ABCA13: variants seen among roughly 807,000 people sequenced by gnomAD.
The protein encoded by ABCA13 is ATP-binding cassette sub-family A member 13.
ABCA13 carries 476 observed loss-of-function variants against 478.7 expected under a neutral mutation model. That is an observed-to-expected ratio of 0.99 (90% confidence interval 0.92 to 1.07). The LOEUF is 1.07. Ranked by LOEUF, ABCA13 falls within the 50% of genes least tolerant of loss-of-function variation. ABCA13 has a pLI of 0.00. For missense variants in ABCA13, 6,060 were observed against 5,910.6 expected, an observed-to-expected ratio of 1.03 and a Z score of -0.83; for synonymous variants, 2,252 against 2,158.9, an observed-to-expected ratio of 1.04 and a Z score of -1.20.
chr7:48,282,305 T>G (rs1210840728), intron 19 of ABCA13, among the ~76,000 whole-genome samples: 1 of 152,066 alleles, frequency 6.6e-6, no homozygotes, highest in Non-Finnish European at 1.5e-5. Context: ...CACACTTGAG[T>G]CCATGGAATG....
chr7:48,237,320 C>T (rs1554364927), intron 8 of ABCA13, among the ~76,000 whole-genome samples: 3 of 152,140 alleles, frequency 2.0e-5, no homozygotes, highest in Non-Finnish European at 4.4e-5. Context: ...AAGCCACTCT[C>T]ATAATCTTAA....
chr7:48,352,460 C>A lies in ABCA13; in HGVS notation c.10661C>A (p.Ala3554Asp). 6.2e-7 allele frequency: 1 copy of A among 1,608,564 alleles called. No homozygotes were observed. Among genetic ancestry groups the A allele is most frequent in the Non-Finnish European group, 8.5e-7 (1 of 1,176,662 alleles). ...ALEPAAQTQA[A>D]PYPCHTSDLF... is the part of the protein sequence containing the mutation. ...GAACCAGCAGCACAGACTCAGGCGG[C>A]CCCTTACCCCTGCCATACCAGCGAC... is the stretch of plus-strand genomic sequence containing the variant. Residue 3554 changes from alanine to aspartate, a missense_variant, in exon 31 of 62, where the codon GCC becomes GAC. Transcript: ENST00000435803.
rs369139123 is a variant in ABCA13, at chr7:48,272,550, C to T, written c.2884C>T (p.Leu962=). 3.1e-6 allele frequency: 5 copies of T among 1,613,634 alleles called. No homozygotes were observed. The African/African-American group carries it at 6.7e-5, about 22-fold the overall frequency. ...VFQDKDSALL[L]QIYSSFYRYI... ...CCAGGACAAGGATTCAGCTTTACTT[C>T]TGCAAATTTATTCTTCATTTTACCG... is the stretch of plus-strand genomic sequence containing the variant. The change falls in exon 17 of 62, where the codon CTG becomes TTG. Residue 962 remains leucine (L), a synonymous_variant. Transcript: ENST00000435803.
In ABCA13 at chr7:48,279,183, T is replaced by G. The variant is rs1386332068; in HGVS notation, c.7989T>G (p.Thr2663=). The G allele has an allele frequency of 2.5e-6, 4 of 1,598,446 alleles. No homozygotes were observed. Among genetic ancestry groups the G allele is most frequent in the Non-Finnish European group, 3.4e-6 (4 of 1,172,368 alleles). ...RSLAVAFNNE[T]QTFSMDSVNL... ...TTGCGGTAGCATTTAACAATGAGAC[T>G]CAAACATTTTCTATGGATTCTGTCA... The change falls in exon 18 of 62, where the codon ACT becomes ACG. Residue 2663 remains threonine (T), a synonymous_variant. Coordinates refer to ENST00000435803, the MANE Select transcript of ABCA13 (RefSeq NM_152701.5).
intron 27 of ABCA13, among the ~76,000 whole-genome samples, chr7:48,329,423 G>A (rs115690179): frequency 6.6e-6 from 1 of 152,322 alleles, no homozygotes; most frequent in South Asian, 2.1e-4. Flanking sequence ...TTATAATTGA[G>A]TGTTAGCATC....
chr7:48,403,952 G>C (rs1247444443), intron 39 of ABCA13, 73 bp downstream of exon 39: 1 of 1,510,512 alleles, frequency 6.6e-7, no homozygotes, highest in Non-Finnish European at 9.0e-7. Context: ...CTACTGTACA[G>C]TAGAATCAAG....
rs1562944528 is a variant in ABCA13 at position 48,275,781 on chromosome 7, T to A, written c.6115T>A (p.Leu2039Ile). The change falls in exon 17 of 62, where the codon TTA becomes ATA. Residue 2039 changes from leucine to isoleucine, a missense_variant. By Grantham distance (5) the Leu-to-Ile change is conservative. Coordinates refer to ENST00000435803, the MANE Select transcript of ABCA13 (RefSeq NM_152701.5). Reference protein sequence around the residue: ...LQNANVTGSSLEALSSFIEKS... With the variant: ...LQNANVTGSSIEALSSFIEKS... Reference sequence around the variant, plus strand: ...GAATGCAAATGTCACAGGTAGCAGTTTAGAAGCATTATCAAGTTTTATTGA... The same window carrying A: ...GAATGCAAATGTCACAGGTAGCAGTATAGAAGCATTATCAAGTTTTATTGA... 6.2e-7 allele frequency: 1 copy of A among 1,611,852 alleles called. No individual in the cohort carries two copies. The highest frequency in any genetic ancestry group is 8.5e-7 in the Non-Finnish European group (1 of 1,178,850).
chr7:48,225,127 G>GTCTGCCTT (rs1787981058), intron 5 of ABCA13, among the ~76,000 whole-genome samples: 2 of 81,990 alleles, frequency 2.4e-5, no homozygotes, highest in Non-Finnish European at 4.9e-5. Flanking sequence ...CTGCCTGCCT[G>GTCTGCCTT]CCTGCCTGCC....
At chr7:48,305,049 GC>G (rs1242436971) in intron 23 of ABCA13, among the ~76,000 whole-genome samples, 2 of 152,200 alleles carry the variant, frequency 1.3e-5, no homozygotes, top group African/African-American at 4.8e-5. Flanking sequence ...TCAAAACTGT[GC>G]TTTTGCTGGC....
rs1468664047 is a variant in ABCA13 at position 48,272,477 on chromosome 7, A to G, written c.2811A>G (p.Gln937=). Residue 937 remains glutamine (Q), a synonymous_variant, in exon 17 of 62, where the codon CAA becomes CAG. Coordinates refer to ENST00000435803, the MANE Select transcript of ABCA13 (RefSeq NM_152701.5). ...SDLFSALSEP[Q]KQEVDKILTH... is the part of the protein sequence containing the mutation. The stretch of plus-strand genomic sequence containing the variant: ...TTTTCTCAGCCCTTTCTGAACCACA[A>G]AAACAAGAAGTTGATAAAATTTTGA... The G allele has an allele frequency of 3.7e-6, 6 of 1,613,780 alleles. No homozygotes were observed. Among genetic ancestry groups the G allele is most frequent in the Admixed American group, 3.3e-5 (2 of 60,000 alleles).
chr7:48,219,541 C>T, intron 4 of ABCA13, 36 bp downstream of exon 4: 1 of 1,585,242 alleles, frequency 6.3e-7, no homozygotes, highest in Non-Finnish European at 8.5e-7. Context: ...CACTACCTAC[C>T]TGGACATAGC....
At chr7:48,506,520 G>A (rs1350276372) in intron 49 of ABCA13, 130 bp downstream of exon 49, 10 of 1,003,942 alleles carry the variant, frequency 1.0e-5, no homozygotes, top group Admixed American at 2.3e-5. Flanking sequence ...AGCAGGAAAT[G>A]CCCACAGGAC....
intron 42 of ABCA13, among the ~76,000 whole-genome samples, chr7:48,430,746 G>A (rs1056237755): frequency 2.7e-5 from 4 of 149,334 alleles, no homozygotes; most frequent in African/African-American, 4.9e-5. Context: ...AGTCTTCTCC[G>A]TTTTCTTGGT....
chr7:48,271,996 A>G lies in ABCA13; in HGVS notation c.2330A>G (p.His777Arg). Residue 777 changes from histidine (H) to arginine (R), a missense_variant, in exon 17 of 62, where the codon CAT (histidine) becomes CGT (arginine). Around this residue, in one of 3 missense-constraint regions of ABCA13, gnomAD observed 4,423 missense variants for 4,309.1 expected, o/e 1.03. Coordinates refer to ENST00000435803, the MANE Select transcript of ABCA13 (RefSeq NM_152701.5). ...ILNISSLWTNHLKSLKRDPSA... is the reference protein window; with the variant it reads ...ILNISSLWTNRLKSLKRDPSA... ...AATATAAGTTCTCTGTGGACAAATCATTTAAAAAGTTTAAAGAGAGACCCA... is the reference window on the plus strand; with the variant it reads ...AATATAAGTTCTCTGTGGACAAATCGTTTAAAAAGTTTAAAGAGAGACCCA... 6.2e-7 allele frequency: 1 copy of G among 1,613,656 alleles called. No homozygotes were observed. Among genetic ancestry groups the G allele is most frequent in the Non-Finnish European group, 8.5e-7 (1 of 1,179,720 alleles).
intron 23 of ABCA13, among the ~76,000 whole-genome samples, chr7:48,300,071 A>C (rs1046990416): frequency 9.8e-5 from 15 of 152,374 alleles, no homozygotes; most frequent in Middle Eastern, 3.4e-3. Context: ...AGGAATTAAC[A>C]TTAGGTTAGG....
Position 48,313,115 on chromosome 7 carries a change from A to G in ABCA13, c.9565A>G (p.Ile3189Val), listed in dbSNP as rs768693638. The change falls in exon 25 of 62, where the codon ATA (isoleucine) becomes GTA (valine). Residue 3189 changes from isoleucine (I) to valine (V), a missense_variant. Transcript: ENST00000435803. ...TGGCTTGCTCAACTCCTTGCTGGATATAGTTTCCAGCCTCAGCGCCTTGCT... is the reference window on the plus strand; with the variant it reads ...TGGCTTGCTCAACTCCTTGCTGGATGTAGTTTCCAGCCTCAGCGCCTTGCT... ...ANGLLNSLLD[I>V]VSSLSALLAK... 4 of 1,612,546 alleles carry G rather than the reference A, an allele frequency of 2.5e-6. No homozygotes were observed. Among genetic ancestry groups the G allele is most frequent in the Admixed American group, 3.3e-5 (2 of 59,790 alleles).
chr7:48,403,820 G>A lies in ABCA13; in HGVS notation c.12011G>A (p.Ser4004Asn). The A allele has an allele frequency of 6.2e-7, 1 of 1,613,894 alleles. No individual in the cohort carries two copies. Among genetic ancestry groups the A allele is most frequent in the Non-Finnish European group, 8.5e-7 (1 of 1,179,830 alleles). The change falls in exon 39 of 62, where the codon AGT becomes AAT. Residue 4004 changes from serine (S) to asparagine (N), a missense_variant. By Grantham distance (46) the Ser-to-Asn change is conservative. Transcript: ENST00000435803. ...ACCGTGGTTCTGGATGAGCCCACCA[G>A]TGGGGTGGACCCTTGCTCCCGGCAT... is the stretch of plus-strand genomic sequence containing the variant. ...SRTVVLDEPT[S>N]GVDPCSRHSL...
At chr7:48,286,796 C>A (rs1370616056) in intron 19 of ABCA13, among the ~76,000 whole-genome samples, 1 of 152,112 alleles carries the variant, frequency 6.6e-6, no homozygotes, top group Non-Finnish European at 1.5e-5. Flanking sequence ...AGCCACCGTG[C>A]CTGGCTCAGA....
intron 42 of ABCA13, among the ~76,000 whole-genome samples, chr7:48,441,610 GTC>G (rs1245351385): frequency 1.3e-5 from 2 of 152,148 alleles, no homozygotes; most frequent in Admixed American, 6.5e-5. Context: ...TTTTGTCCTT[GTC>G]TCTGCACCGC....
Sources: gnomAD v4.1 joint callset for allele counts (sites outside exome capture counted in the v4.1 genomes callset) on GRCh38, gnomAD v4.1.1 for gene constraint, gnomAD v4.1.1 regional missense constraint, MANE v1.5 for transcripts, NCBI Gene and HGNC (gene_info 2026-07-23, HGNC 2026-07-21) for gene names.